ADGRL3: variants seen among roughly 807,000 people sequenced by gnomAD.
The protein encoded by ADGRL3 is adhesion G protein-coupled receptor L3.
A neutral mutation model predicts 153.5 loss-of-function variants in ADGRL3; 62 were observed. That is an observed-to-expected ratio of 0.40 (90% CI 0.33 to 0.50). The LOEUF (loss-of-function observed/expected upper bound fraction) is 0.50, where lower values mean the gene tolerates loss of function less well. Ranked by LOEUF, ADGRL3 falls within the 20% of genes least tolerant of loss-of-function variation. The probability of loss-of-function intolerance (pLI) is 0.47; values close to 1 mark genes in which losing one functional copy is unlikely to be tolerated. For synonymous variants in ADGRL3, 710 were observed against 672.5 expected (o/e 1.06, Z -0.86); for missense variants, 1,641 against 1,859.4 (o/e 0.88, Z 2.16).
rs553231054 is a variant in ADGRL3, at chr4:61,750,076, A to G, written c.1399+16522A>G. ...TGGAGCTGAACCGTGCCACTATTCT[A>G]TGTTCTGTGGTTGTTACAAGAAAGA... On this transcript the variant is annotated intron_variant, in intron 8 of 26. Transcript: ENST00000683033. Among the ~76,000 whole-genome samples the G allele has an allele frequency of 6.7e-5, 10 of 148,364 alleles. 1 individual carries two copies. In the South Asian group the frequency reaches 1.3e-3, roughly 20 times the overall value.
intron 1 of ADGRL3, among the ~76,000 whole-genome samples, chr4:61,255,400 G>A (rs894495378): frequency 1.3e-5 from 2 of 151,832 alleles, no homozygotes; most frequent in Non-Finnish European, 2.9e-5. Context: ...TTTCTTCTCC[G>A]CTGTATGGAG....
intron 8 of ADGRL3, among the ~76,000 whole-genome samples, chr4:61,741,932 G>A (rs2096585197): frequency 6.6e-6 from 1 of 152,222 alleles, no homozygotes; most frequent in Non-Finnish European, 1.5e-5. Context: ...GTATTTCACA[G>A]TAATAAAGAA....
chr4:61,760,587 C>T (rs1029131982), intron 8 of ADGRL3, among the ~76,000 whole-genome samples: 1 of 152,192 alleles, frequency 6.6e-6, no homozygotes, highest in African/African-American at 2.4e-5. Flanking sequence ...AAGGGAATTC[C>T]CTGACCCTTG....
chr4:61,984,482 C>T (rs1040734848), intron 19 of ADGRL3, among the ~76,000 whole-genome samples: 2 of 152,028 alleles, frequency 1.3e-5, no homozygotes, highest in African/African-American at 4.8e-5. Context: ...GCAGGGGAAT[C>T]GCCTGAGCCC....
chr4:61,575,671 T>A (rs1426777866), intron 4 of ADGRL3, among the ~76,000 whole-genome samples: 1 of 152,078 alleles, frequency 6.6e-6, no homozygotes. Context: ...TTAATGAAGT[T>A]AATCACTGCG....
chr4:61,519,422 G>A (rs1416215530), intron 4 of ADGRL3, among the ~76,000 whole-genome samples: 1 of 152,130 alleles, frequency 6.6e-6, no homozygotes, highest in African/African-American at 2.4e-5. Context: ...TATTTTTAAT[G>A]GAGACTGAGG....
intron 9 of ADGRL3, among the ~76,000 whole-genome samples, chr4:61,817,337 G>C (rs1305090125): frequency 1.3e-5 from 2 of 152,322 alleles, no homozygotes; most frequent in East Asian, 3.9e-4. Context: ...CCTGGATTGA[G>C]AACTTATGGT....
chr4:61,216,581 C>T (rs1224324544), intron 1 of ADGRL3, among the ~76,000 whole-genome samples: 1 of 151,566 alleles, frequency 6.6e-6, no homozygotes, highest in African/African-American at 2.4e-5. Context: ...TTATAAAGTT[C>T]AACATTAAAT....
At chr4:61,742,565 A>G (rs1039008178) in intron 8 of ADGRL3, among the ~76,000 whole-genome samples, 29 of 152,050 alleles carry the variant, frequency 1.9e-4, no homozygotes, top group African/African-American at 7.0e-4. Flanking sequence ...CAGGCGTGAG[A>G]CACCGCACCC....
intron 13 of ADGRL3, among the ~76,000 whole-genome samples, chr4:61,928,038 TATA>T (rs1022317827): frequency 6.6e-6 from 1 of 150,638 alleles, no homozygotes; most frequent in African/African-American, 2.4e-5. Context: ...GTATATATAA[TATA>T]ATAAAAATAA....
At chr4:61,896,242 A>C (rs2098630804) in intron 11 of ADGRL3, among the ~76,000 whole-genome samples, 1 of 151,680 alleles carries the variant, frequency 6.6e-6, no homozygotes, top group Admixed American at 6.6e-5. Context: ...CTAATCATTT[A>C]TCAATGATAA....
rs545358949 is a variant in ADGRL3 at position 61,364,650 on chromosome 4, T to C, written c.-239-18474T>C. Among the ~76,000 whole-genome samples the C allele has an allele frequency of 2.6e-5, 4 of 152,242 alleles. No homozygotes were observed. In the South Asian group the frequency reaches 8.3e-4, roughly 32 times the overall value. The stretch of plus-strand genomic sequence containing the variant: ...GAATAACTATTGTAAGATAAATGAA[T>C]AAATAAGTAAATGAAGCCATTAACA... On this transcript the variant is annotated intron_variant, in intron 1 of 26. Coordinates refer to ENST00000683033, the MANE Select transcript of ADGRL3 (RefSeq NM_001387552.1).
chr4:61,889,304 G>A (rs2098556573), intron 9 of ADGRL3, among the ~76,000 whole-genome samples: 1 of 152,224 alleles, frequency 6.6e-6, no homozygotes, highest in South Asian at 2.1e-4. Flanking sequence ...ATTGCAGGAT[G>A]TGCAAAGGCC....
chr4:61,881,648 G>A lies in ADGRL3; in HGVS notation c.1481-11008G>A, dbSNP rs759046258. Among the ~76,000 whole-genome samples, 13 of 152,194 alleles carry A rather than the reference G, an allele frequency of 8.5e-5. 1 individual carries two copies. Among genetic ancestry groups the A allele is most frequent in the Non-Finnish European group, 1.8e-4 (12 of 68,040 alleles). On this transcript the variant is annotated intron_variant, in intron 9 of 26. Transcript: ENST00000683033. ...CTGCCTCGGCCGCCCAAAGTGCTGG[G>A]AACACAGGCGTGAGCCACCACGCCT... is the stretch of plus-strand genomic sequence containing the variant.
chr4:61,495,471 G>GAGGA (rs145813008), intron 2 of ADGRL3, among the ~76,000 whole-genome samples: 4,769 of 150,302 alleles, frequency 0.032, 118 homozygotes, highest in Middle Eastern at 0.059. Flanking sequence ...AGGGAGGGAG[G>GAGGA]AGGAAGGAAG....
chr4:61,492,535 T>G (rs1373250803), intron 2 of ADGRL3, among the ~76,000 whole-genome samples: 1 of 152,014 alleles, frequency 6.6e-6, no homozygotes, highest in Non-Finnish European at 1.5e-5. Context: ...ACGATAGAAA[T>G]ATAAATTTTT....
intron 1 of ADGRL3, among the ~76,000 whole-genome samples, chr4:61,334,039 T>A (rs2095627663): frequency 6.6e-6 from 1 of 151,300 alleles, no homozygotes; most frequent in African/African-American, 2.4e-5. Context: ...CCTTAGCCCC[T>A]CCAAATAGCT....
Position 62,037,872 on chromosome 4 carries a change from T to C in ADGRL3, c.3717+16T>C. On this transcript the variant is annotated intron_variant, in intron 24 of 26. Transcript: ENST00000683033. ...AGGCTCACAGGTAAACAATATTTGT[T>C]CACTGAAATGAAGTAATTCTTAACT... The C allele has an allele frequency of 6.2e-7, 1 of 1,613,562 alleles. No homozygotes were observed. Among genetic ancestry groups the C allele is most frequent in the Non-Finnish European group, 8.5e-7 (1 of 1,179,638 alleles).
At chr4:61,772,094 G>C (rs2097093480) in intron 8 of ADGRL3, among the ~76,000 whole-genome samples, 1 of 152,180 alleles carries the variant, frequency 6.6e-6, no homozygotes, top group Non-Finnish European at 1.5e-5. Context: ...AGACAAATAG[G>C]AACGCCATGG....
Sources: allele counts gnomAD v4.1 joint callset (sites outside exome capture counted in the v4.1 genomes callset), GRCh38; gene constraint gnomAD v4.1.1; transcripts MANE v1.5; gene names NCBI Gene and HGNC (gene_info 2026-07-23, HGNC 2026-07-21).